The following WFDC1 variants were observed in gnomAD, a reference collection of about 807,000 sequenced individuals.
The protein encoded by WFDC1 is WAP four-disulfide core domain 1.
WFDC1 carries 39 observed loss-of-function variants against 32.9 expected under a neutral mutation model. The ratio of observed to expected loss-of-function variants is 1.19; its 90% confidence interval spans 0.92 to 1.55. The LOEUF (loss-of-function observed/expected upper bound fraction) is 1.55, where lower values mean the gene tolerates loss of function less well. Ranked by LOEUF, WFDC1 falls within the 40% of genes most tolerant of loss-of-function variation. The pLI, the probability that WFDC1 is intolerant of heterozygous loss-of-function variation, is 0.00. For missense variants in WFDC1, 386 were observed against 309.5 expected, an observed-to-expected ratio of 1.25 and a Z score of -1.85; for synonymous variants, 184 against 137.4, an observed-to-expected ratio of 1.34 and a Z score of -2.37.
chr16:84,298,569 C>T (rs1016318504), intron 1 of WFDC1, among the ~76,000 whole-genome samples: 3 of 152,170 alleles, frequency 2.0e-5, no homozygotes, highest in Non-Finnish European at 2.9e-5. Context: ...TGCCTGAAAT[C>T]AACCATGCTG....
At chr16:84,310,273 G>C (rs1907534051) in intron 1 of WFDC1, among the ~76,000 whole-genome samples, 1 of 152,012 alleles carries the variant, frequency 6.6e-6, no homozygotes, top group Non-Finnish European at 1.5e-5. Flanking sequence ...TCCCAGCCTT[G>C]AGCGCTGATT....
intron 3 of WFDC1, chr16:84,319,156 T>C: frequency 2.0e-6 from 1 of 509,466 alleles, no homozygotes; most frequent in Middle Eastern, 5.0e-4. Context: ...TGAACATGTC[T>C]ATATGGATGT....
chr16:84,303,885 C>T (rs1021674797), intron 1 of WFDC1, among the ~76,000 whole-genome samples: 4 of 152,186 alleles, frequency 2.6e-5, no homozygotes, highest in Admixed American at 6.5e-5. Context: ...TATGGATCTG[C>T]CTGTTGTAGA....
chr16:84,295,214 C>T lies in WFDC1; in HGVS notation c.144+99C>T, dbSNP rs899388722. ...GACACTGCCTTCTCCTGTAAGTGCT[C>T]CCCCAAAACGTGGCAAGGCAGGCGT... On this transcript the variant is annotated intron_variant, in intron 1 of 6. Coordinates refer to ENST00000219454, the MANE Select transcript of WFDC1 (RefSeq NM_021197.4). 6 of 1,491,302 alleles carry T rather than the reference C, an allele frequency of 4.0e-6. No homozygotes were observed. The Admixed American group carries it at 9.7e-5, about 24-fold the overall frequency. The allele number at this position is 1,491,302 out of a possible 1,614,324, so 92.4% of individuals were successfully genotyped here. A position where few individuals can be genotyped will look rare whatever the true frequency, so the allele number is the denominator to read the frequency against.
intron 1 of WFDC1, among the ~76,000 whole-genome samples, chr16:84,309,464 C>G (rs432434): frequency 0.54 from 81,082 of 151,552 alleles, 21,770 homozygotes; most frequent in Admixed American, 0.55. Context: ...AGGCCAGGGA[C>G]GAGGCCACTG....
At chr16:84,305,266 G>T (rs1286071911) in intron 1 of WFDC1, among the ~76,000 whole-genome samples, 2 of 152,252 alleles carry the variant, frequency 1.3e-5, no homozygotes, top group Non-Finnish European at 2.9e-5. Flanking sequence ...TGTGTATGGT[G>T]ACTGTGTGCC....
intron 3 of WFDC1, chr16:84,319,137 G>A (rs1479749465): frequency 1.3e-5 from 6 of 452,656 alleles, no homozygotes; most frequent in East Asian, 3.8e-5. Context: ...GTGTTTCAGG[G>A]TGTATCCGTG....
In WFDC1 at chr16:84,303,587, A is replaced by T. The variant is rs545065525; in HGVS notation, c.144+8472A>T. On this transcript the variant is annotated intron_variant, in intron 1 of 6. Transcript: ENST00000219454. ...GTGACATTCTGGGGTGTCTGTCTAG[A>T]TTGTTTCATGAAGCAGTTACACACA... 3.9e-5 allele frequency among the ~76,000 whole-genome samples: 6 copies of T among 152,176 alleles called. 1 individual carries two copies. In the South Asian group the frequency reaches 1.2e-3, roughly 32 times the overall value.
intron 1 of WFDC1, among the ~76,000 whole-genome samples, chr16:84,306,304 G>A (rs540230662): frequency 6.6e-6 from 1 of 152,268 alleles, no homozygotes; most frequent in Admixed American, 6.5e-5. Context: ...ATGTATAAGA[G>A]ATCATGAGCT....
chr16:84,318,282 G>C lies in WFDC1; in HGVS notation c.348G>C (p.Trp116Cys). ...CCCGTATTGTGTTAGTCTTAGACTG[G>C]CTGGTGCAGCCGAAACCTCGATGGC... ...EAVPPPPVLD[W>C]LVQPKPRWLG... The change falls in exon 3 of 7, where the codon TGG (tryptophan) becomes TGC (cysteine). Residue 116 changes from tryptophan to cysteine, a missense_variant. By Grantham distance (215) the Trp-to-Cys change is radical. Transcript: ENST00000219454. The C allele has an allele frequency of 6.2e-7, 1 of 1,614,148 alleles. No individual in the cohort carries two copies. The highest frequency in any genetic ancestry group is 1.3e-5 in the African/African-American group (1 of 75,052).
intron 5 of WFDC1, chr16:84,325,616 A>T (rs572726536): frequency 1.9e-4 from 29 of 151,524 alleles, no homozygotes; most frequent in Admixed American, 1.4e-3. Context: ...CCATTCACTC[A>T]TTCATCCATT....
rs943505029 is a variant in WFDC1, at chr16:84,319,413, C to A, written c.422-18C>A. The A allele has an allele frequency of 8.1e-6, 13 of 1,606,676 alleles. No individual in the cohort carries two copies. Among genetic ancestry groups the A allele is most frequent in the Non-Finnish European group, 1.1e-5 (13 of 1,179,428 alleles). On this transcript the variant is annotated intron_variant, in intron 3 of 6. Transcript: ENST00000219454. ...TGGGAGTCGGCCTTCTAGACCCCAG[C>A]GTGTGTCCCTCCTGCAGCAGAGGCG... is the stretch of plus-strand genomic sequence containing the variant.
chr16:84,301,559 A>G (rs8052192), intron 1 of WFDC1, among the ~76,000 whole-genome samples: 11,098 of 152,130 alleles, frequency 0.073, 1,293 homozygotes, highest in African/African-American at 0.24. Context: ...GGTGCTCAGT[A>G]GGCTCCGGAA....
intron 4 of WFDC1, among the ~76,000 whole-genome samples, chr16:84,323,861 C>T (rs1908439897): frequency 6.6e-6 from 1 of 152,268 alleles, no homozygotes; most frequent in Non-Finnish European, 1.5e-5. Flanking sequence ...CGGCTCACGC[C>T]TGTAATCCCA....
chr16:84,313,174 A>AG lies in WFDC1; in HGVS notation c.337+26dup, dbSNP rs768257896. ...GCCAGGTAGGTCCTGGGCCCGAGGG[A>AG]GGGGGCTGAGGGAGGAGGACAGGTG... On this transcript the variant is annotated intron_variant, in intron 2 of 6. Transcript: ENST00000219454. 1.5e-5 allele frequency: 21 copies of AG among 1,397,832 alleles called. No homozygotes were observed. The African/African-American group carries it at 1.8e-4, about 12-fold the overall frequency. The allele number at this position is 1,397,832 out of a possible 1,614,324, so 86.6% of individuals were successfully genotyped here.
At chr16:84,327,157 A>G in intron 6 of WFDC1, 1 of 581,054 alleles carries the variant, frequency 1.7e-6, no homozygotes, top group Non-Finnish European at 3.1e-6. Context: ...GCAACGACAT[A>G]CTATATGCAC....
intron 1 of WFDC1, among the ~76,000 whole-genome samples, chr16:84,311,117 C>G (rs454605): frequency 0.7 from 105,721 of 151,696 alleles, 37,152 homozygotes; most frequent in East Asian, 0.98. Flanking sequence ...GTTACTGGGC[C>G]TGGATGGAGT....
intron 3 of WFDC1, 118 bp downstream of exon 3, chr16:84,318,473 AAC>A (rs1366972948): frequency 1.1e-6 from 1 of 930,018 alleles, no homozygotes. Flanking sequence ...CCTTCAGCCA[AAC>A]ACTCAGCCCT....
chr16:84,301,019 A>G (rs147113178), intron 1 of WFDC1, among the ~76,000 whole-genome samples: 166 of 152,198 alleles, frequency 1.1e-3, no homozygotes, highest in African/African-American at 3.8e-3. Context: ...TCAGAGACAC[A>G]TGGAGAGAAG....
Sources: allele counts gnomAD v4.1 joint callset (sites outside exome capture counted in the v4.1 genomes callset), GRCh38; gene constraint gnomAD v4.1.1; transcripts MANE v1.5; gene names NCBI Gene and HGNC (gene_info 2026-07-23, HGNC 2026-07-21).